DMD: variants seen among roughly 807,000 people sequenced by gnomAD.
DMD encodes dystrophin.
In DMD, 63 loss-of-function variants were observed where a neutral mutation model predicts 330.1. That is an observed-to-expected ratio of 0.19 (90% CI 0.16 to 0.24). DMD has a LOEUF of 0.24. Among genes scored for constraint, DMD ranks in the 10% least tolerant of loss-of-function variants. DMD has a pLI of 1.00. For synonymous variants in DMD, 1,223 were observed against 959.8 expected (o/e 1.27, Z -5.07); for missense variants, 3,344 against 2,684.1 (o/e 1.25, Z -5.43).
intron 44 of DMD, among the ~76,000 whole-genome samples, chrX:32,072,549 C>T (rs1481120527): frequency 9.0e-6 from 1 of 111,384 alleles, no homozygotes; most frequent in Non-Finnish European, 1.9e-5. Flanking sequence ...TAGTATCTAT[C>T]AATGTCTTAC....
intron 20 of DMD, among the ~76,000 whole-genome samples, chrX:32,488,934 C>G (rs2042730397): frequency 9.0e-6 from 1 of 110,863 alleles, no homozygotes; most frequent in East Asian, 2.8e-4. Flanking sequence ...GTTCCTTCTG[C>G]CTGGAATCTT....
chrX:32,909,150 CAA>C (rs36075436), intron 2 of DMD, among the ~76,000 whole-genome samples: 2 of 68,259 alleles, frequency 2.9e-5, no homozygotes, highest in African/African-American at 1.2e-4. Flanking sequence ...TCTATATGAG[CAA>C]AAAAAAAAAA....
intron 44 of DMD, among the ~76,000 whole-genome samples, chrX:32,077,580 C>T (rs1188765210): frequency 1.8e-5 from 2 of 111,486 alleles, no homozygotes; most frequent in African/African-American, 6.5e-5. Context: ...TCTAAAGTTA[C>T]CATCCTTGAG....
intron 44 of DMD, among the ~76,000 whole-genome samples, chrX:32,213,678 T>A (rs2097101622): frequency 8.9e-6 from 1 of 112,122 alleles, no homozygotes; most frequent in Non-Finnish European, 1.9e-5. Flanking sequence ...ATGGTCTTTT[T>A]AAAATTATCC....
chrX:33,123,769 C>G (rs2095440403), intron 1 of DMD, among the ~76,000 whole-genome samples: 1 of 102,463 alleles, frequency 9.8e-6, no homozygotes, highest in Non-Finnish European at 2.0e-5. Context: ...CAAACGAAAA[C>G]CAGAATGCCT....
chrX:32,519,181 G>A (rs777644736), intron 17 of DMD, among the ~76,000 whole-genome samples: 1 of 100,991 alleles, frequency 9.9e-6, no homozygotes, highest in South Asian at 4.7e-4. Context: ...CAACATGTAT[G>A]AACCCGGAGG....
intron 44 of DMD, among the ~76,000 whole-genome samples, chrX:32,050,502 AAATG>A (rs1242511096): frequency 8.9e-6 from 1 of 112,014 alleles, no homozygotes; most frequent in African/African-American, 3.2e-5. Flanking sequence ...TAATGCTGAT[AAATG>A]AAAGAATTGA....
In DMD at chrX:32,348,398, C is replaced by A. The variant is rs1414223055; in HGVS notation, c.5448+8G>T. 1 of 1,206,193 alleles carries A rather than the reference C, an allele frequency of 8.3e-7. No individual in the cohort carries two copies. Among genetic ancestry groups the A allele is most frequent in the East Asian group, 3.0e-5 (1 of 33,676 alleles). On this transcript the variant is annotated splice_region_variant and intron_variant, in intron 38 of 78. Transcript: ENST00000357033. ...AGTTCATTCACACTTTTATCACAACCAATTTACCATATCTTTATTGAAGTC... is the reference window on the plus strand; with the variant it reads ...AGTTCATTCACACTTTTATCACAACAAATTTACCATATCTTTATTGAAGTC...
intron 12 of DMD, among the ~76,000 whole-genome samples, chrX:32,607,244 T>A (rs1466763397): frequency 7.9e-4 from 87 of 110,478 alleles, no homozygotes; most frequent in African/African-American, 2.5e-3. Flanking sequence ...GAAATGCTTA[T>A]TTTCTTTCAT....
At chrX:31,508,136 T>G in intron 55 of DMD, 1 of 855,170 alleles carries the variant, frequency 1.2e-6, no homozygotes, top group South Asian at 2.2e-5. Context: ...AGAGTTATGA[T>G]AAGAGGTTAT....
Position 32,389,600 on chromosome X carries a change from T to G in DMD, c.4419A>C (p.Glu1473Asp). The G allele has an allele frequency of 8.3e-7, 1 of 1,210,890 alleles. No individual in the cohort carries two copies. The highest frequency in any genetic ancestry group is 1.1e-6 in the Non-Finnish European group (1 of 894,981). Residue 1473 changes from glutamate to aspartate, a missense_variant, in exon 32 of 79, where the codon GAA becomes GAC. Glu to Asp is a conservative substitution (Grantham distance 45). Transcript: ENST00000357033. ...KPANFEQRLQESKMILDEVKM... is the reference protein window; with the variant it reads ...KPANFEQRLQDSKMILDEVKM... ...TCACTTCATCTAAAATCATCTTACT[T>G]TCTTGTAGACGCTGCTCAAAATTGG...
intron 44 of DMD, among the ~76,000 whole-genome samples, chrX:32,023,927 G>T (rs2095826073): frequency 9.0e-6 from 1 of 110,981 alleles, no homozygotes; most frequent in Non-Finnish European, 1.9e-5. Flanking sequence ...AGACACTGGG[G>T]ACTACAGAGG....
intron 17 of DMD, among the ~76,000 whole-genome samples, chrX:32,541,936 G>A (rs145580014): frequency 2.3e-4 from 26 of 111,898 alleles, no homozygotes; most frequent in African/African-American, 8.4e-4. Flanking sequence ...TGTGTGCAAT[G>A]TATAAGTAGG....
intron 2 of DMD, among the ~76,000 whole-genome samples, chrX:32,867,880 T>C (rs776377707): frequency 9.0e-6 from 1 of 111,424 alleles, no homozygotes; most frequent in Non-Finnish European, 1.9e-5. Context: ...TAATATCCAA[T>C]ATGGGAATTT....
chrX:32,515,885 G>C (rs1196808429), intron 18 of DMD, among the ~76,000 whole-genome samples: 2 of 111,698 alleles, frequency 1.8e-5, no homozygotes, highest in Non-Finnish European at 3.8e-5. Context: ...TTTTAAATAA[G>C]TGCATTTTGT....
intron 1 of DMD, among the ~76,000 whole-genome samples, chrX:33,052,464 C>T (rs1426491907): frequency 8.9e-6 from 1 of 111,746 alleles, no homozygotes; most frequent in African/African-American, 3.3e-5. Context: ...CCCTTATAAA[C>T]ATATCCTGAT....
chrX:32,473,231 G>A (rs752452276), intron 21 of DMD, among the ~76,000 whole-genome samples: 1 of 110,735 alleles, frequency 9.0e-6, no homozygotes, highest in South Asian at 3.8e-4. Context: ...TGAAAAATAA[G>A]AATTAAGTGC....
chrX:32,662,638 T>G (rs1041924070), intron 9 of DMD, among the ~76,000 whole-genome samples: 1 of 111,510 alleles, frequency 9.0e-6, no homozygotes, highest in Non-Finnish European at 1.9e-5. Flanking sequence ...AACCATAAAC[T>G]CCCAATTATT....
intron 43 of DMD, among the ~76,000 whole-genome samples, chrX:32,277,986 A>T (rs1336189047): frequency 2.7e-5 from 3 of 111,594 alleles, no homozygotes; most frequent in African/African-American, 9.7e-5. Context: ...ATGACTTTGT[A>T]ATAAAGAAAA....
Sources: gnomAD v4.1 joint callset for allele counts (sites outside exome capture counted in the v4.1 genomes callset) on GRCh38, gnomAD v4.1.1 for gene constraint, MANE v1.5 for transcripts, NCBI Gene and HGNC (gene_info 2026-07-23, HGNC 2026-07-21) for gene names.